PRSS23: variants seen among roughly 807,000 people sequenced by gnomAD.
PRSS23 encodes serine protease 23.
A neutral mutation model predicts 34.7 loss-of-function variants in PRSS23; 25 were observed. The observed-to-expected ratio is 0.72, with a 90% CI of 0.53 to 1.01. PRSS23 has a LOEUF of 1.01. Among genes scored for constraint, PRSS23 ranks in the 50% least tolerant of loss-of-function variants. The pLI is 0.00. For synonymous variants in PRSS23, 176 were observed against 186.6 expected (o/e 0.94, Z 0.46); for missense variants, 445 against 475.6 (o/e 0.94, Z 0.60).
intron 2 of PRSS23, among the ~76,000 whole-genome samples, chr11:86,841,363 A>AG (rs1948446856): frequency 2.0e-5 from 3 of 151,054 alleles, no homozygotes; most frequent in Non-Finnish European, 4.4e-5. Context: ...GAAGAAGAAA[A>AG]AAAAAAAAGA....
Position 86,849,571 on chromosome 11 carries a change from A to G in PRSS23, c.206+25978A>G, listed in dbSNP as rs544446794. On this transcript the variant is annotated intron_variant, in intron 2 of 2. Coordinates refer to the PRSS23 transcript ENST00000533902. ...ATCCCTTAAGGCCTGAAGCTCACAA[A>G]GAATTACAGGATATTGTTAGACATT... is the stretch of plus-strand genomic sequence containing the variant. Among the ~76,000 whole-genome samples the G allele has an allele frequency of 9.4e-4, 143 of 152,320 alleles. 1 individual carries two copies. Among genetic ancestry groups the G allele is most frequent in the African/African-American group, 3.3e-3 (137 of 41,574 alleles).
chr11:86,826,913 T>C (rs1439947159), intron 2 of PRSS23, among the ~76,000 whole-genome samples: 1 of 152,172 alleles, frequency 6.6e-6, no homozygotes, highest in Non-Finnish European at 1.5e-5. Context: ...TATTGAGGAT[T>C]TTTGCATCGA....
chr11:86,930,884 C>T (rs1168719806), intron 2 of PRSS23, among the ~76,000 whole-genome samples: 1 of 151,614 alleles, frequency 6.6e-6, no homozygotes, highest in African/African-American at 2.4e-5. Context: ...GGAGTAGAAA[C>T]ATACCCAGTA....
At chr11:86,915,357 C>A (rs1026944161) in intron 2 of PRSS23, among the ~76,000 whole-genome samples, 1 of 151,946 alleles carries the variant, frequency 6.6e-6, no homozygotes, top group African/African-American at 2.4e-5. Flanking sequence ...AGGTGTAAAG[C>A]CTGGCTTTGA....
At chr11:86,834,539 TC>T (rs1948388043) in intron 2 of PRSS23, among the ~76,000 whole-genome samples, 2 of 134,988 alleles carry the variant, frequency 1.5e-5, no homozygotes, top group Admixed American at 7.5e-5. Flanking sequence ...TCCTTTCCTT[TC>T]CTTTCCTTTC....
intron 2 of PRSS23, among the ~76,000 whole-genome samples, chr11:86,890,290 A>T (rs903391076): frequency 2.0e-5 from 3 of 152,012 alleles, no homozygotes; most frequent in African/African-American, 7.3e-5. Context: ...AAATTTCCCC[A>T]GTTGAGTCTA....
intron 2 of PRSS23, among the ~76,000 whole-genome samples, chr11:86,902,210 TGC>T (rs1948915952): frequency 6.6e-6 from 1 of 152,184 alleles, no homozygotes; most frequent in Non-Finnish European, 1.5e-5. Flanking sequence ...GAGCCACCTG[TGC>T]TCAGAAACTA....
chr11:86,845,463 C>T (rs1333278470), intron 2 of PRSS23, among the ~76,000 whole-genome samples: 2 of 152,128 alleles, frequency 1.3e-5, no homozygotes, highest in Non-Finnish European at 2.9e-5. Context: ...GCAGTGGGCA[C>T]CTACAATAGG....
chr11:86,948,340 G>C (rs922436236), intron 2 of PRSS23: 1 of 151,926 alleles, frequency 6.6e-6, no homozygotes, highest in Admixed American at 6.6e-5. Flanking sequence ...GAAGAACAGA[G>C]ATTATCTATT....
intron 2 of PRSS23, among the ~76,000 whole-genome samples, chr11:86,866,611 C>A (rs1257546827): frequency 1.3e-5 from 2 of 152,078 alleles, no homozygotes; most frequent in Non-Finnish European, 2.9e-5. Flanking sequence ...AGCAAGATAC[C>A]CATTGCTATG....
chr11:86,950,006 T>C (rs1949276253), intron 2 of PRSS23: 1 of 152,266 alleles, frequency 6.6e-6, no homozygotes, highest in Non-Finnish European at 1.5e-5. Flanking sequence ...ATAAAAAAAT[T>C]TTTAAAGGCA....
intron 2 of PRSS23, chr11:86,950,418 AAAC>A (rs757495000): frequency 1.3e-5 from 2 of 152,850 alleles, no homozygotes; most frequent in East Asian, 3.9e-4. Context: ...AAAATGAAGA[AAAC>A]AGCAGCAGCC....
intron 2 of PRSS23, among the ~76,000 whole-genome samples, chr11:86,895,769 C>T (rs994971091): frequency 1.3e-5 from 2 of 152,134 alleles, no homozygotes. Flanking sequence ...TGTGAACCAC[C>T]GTGCCTGGCC....
At chr11:86,801,011 C>A (rs1289043477) in intron 1 of PRSS23, among the ~76,000 whole-genome samples, 4 of 152,124 alleles carry the variant, frequency 2.6e-5, no homozygotes, top group African/African-American at 7.2e-5. Flanking sequence ...ATGCACCCCC[C>A]CAACACACCA....
intron 2 of PRSS23, chr11:86,946,029 G>A (rs1949239778): frequency 1.3e-5 from 2 of 152,600 alleles, no homozygotes; most frequent in South Asian, 4.1e-4. Context: ...GATTACATCC[G>A]ATATTTCATC....
At chr11:86,798,026 T>C (rs937276688), upstream of PRSS23, among the ~76,000 whole-genome samples, 1 of 152,204 alleles carries the variant, frequency 6.6e-6, no homozygotes, top group Non-Finnish European at 1.5e-5. Context: ...ATGTTTTCCA[T>C]GTAATATGTG....
chr11:86,916,021 T>TTCCA (rs1392065294), intron 2 of PRSS23, among the ~76,000 whole-genome samples: 1 of 152,132 alleles, frequency 6.6e-6, no homozygotes, highest in African/African-American at 2.4e-5. Flanking sequence ...CACCACTGCA[T>TTCCA]TCCAGCCTGG....
At chr11:86,816,342 C>T (rs1948215200) in intron 1 of PRSS23, among the ~76,000 whole-genome samples, 1 of 152,150 alleles carries the variant, frequency 6.6e-6, no homozygotes, top group Non-Finnish European at 1.5e-5. Context: ...TGCGTCTTCT[C>T]CTTTTGAGGT....
chr11:86,810,855 C>G lies in PRSS23; in HGVS notation c.*2060C>G, dbSNP rs1948170706. On this transcript the variant is annotated 3_prime_UTR_variant, in exon 2 of 2. Transcript: ENST00000280258. Reference sequence around the variant, plus strand: ...TTATAAAATAATTCAACATGTCCATCTTTTTAGTGATAATAAAAGAAAGCA... The same window carrying G: ...TTATAAAATAATTCAACATGTCCATGTTTTTAGTGATAATAAAAGAAAGCA... 1 of 166,876 alleles carries G rather than the reference C, an allele frequency of 6.0e-6. No homozygotes were observed. Among genetic ancestry groups the G allele is most frequent in the South Asian group, 2.1e-4 (1 of 4,820 alleles). 10.3% of individuals were successfully genotyped at this position (166,876 alleles called of 1,614,324 possible). A position where few individuals can be genotyped will look rare whatever the true frequency, so the allele number is the denominator to read the frequency against.
Sources: gnomAD v4.1 joint callset for allele counts (sites outside exome capture counted in the v4.1 genomes callset) on GRCh38, gnomAD v4.1.1 for gene constraint, MANE v1.5 for transcripts, NCBI Gene and HGNC (gene_info 2026-07-23, HGNC 2026-07-21) for gene names.